The following SLC25A48 variants were observed in gnomAD, a reference collection of about 807,000 sequenced individuals.
SLC25A48 encodes the protein solute carrier family 25 member 48.
SLC25A48 carries 29 observed loss-of-function variants against 32.2 expected under a neutral mutation model. The ratio of observed to expected loss-of-function variants is 0.90; its 90% CI spans 0.67 to 1.23. The LOEUF is 1.23. SLC25A48 is among the 50% of genes most tolerant of loss of function. The pLI is 0.00. For synonymous variants in SLC25A48, 164 were observed against 172.3 expected, an observed-to-expected ratio of 0.95 and a Z score of 0.38; for missense variants, 399 against 422.7, an observed-to-expected ratio of 0.94 and a Z score of 0.49.
At chr5:135,676,441 C>A (rs557126605) in intron 3 of SLC25A48, among the ~76,000 whole-genome samples, 1 of 151,634 alleles carries the variant, frequency 6.6e-6, no homozygotes, top group South Asian at 2.1e-4. Context: ...TTTCATTGAC[C>A]CTTTTTGGTC....
intron 7 of SLC25A48, among the ~76,000 whole-genome samples, chr5:135,881,976 G>C (rs960725317): frequency 1.3e-5 from 2 of 152,196 alleles, no homozygotes; most frequent in Non-Finnish European, 2.9e-5. Context: ...TGCCCAACCT[G>C]TCGTACCTGC....
chr5:135,822,357 A>G (rs566300739), intron 4 of SLC25A48, among the ~76,000 whole-genome samples: 1 of 152,276 alleles, frequency 6.6e-6, no homozygotes. Flanking sequence ...AACAACACAC[A>G]TTTATTCTTT....
chr5:135,726,136 C>T (rs2126987218), intron 3 of SLC25A48, among the ~76,000 whole-genome samples: 1 of 152,336 alleles, frequency 6.6e-6, no homozygotes, highest in East Asian at 1.9e-4. Flanking sequence ...CCAGCAGTGC[C>T]TGAGTGCACA....
At chr5:135,751,369 T>G (rs1476745715) in intron 3 of SLC25A48, among the ~76,000 whole-genome samples, 4 of 152,156 alleles carry the variant, frequency 2.6e-5, no homozygotes, top group Non-Finnish European at 4.4e-5. Flanking sequence ...CATATGTCAC[T>G]TCATGGACAG....
At chr5:135,716,078 C>T (rs1051639443) in intron 3 of SLC25A48, among the ~76,000 whole-genome samples, 3 of 152,194 alleles carry the variant, frequency 2.0e-5, no homozygotes, top group African/African-American at 7.2e-5. Flanking sequence ...GCAGCTTGGA[C>T]CCCTTGTCAC....
intron 3 of SLC25A48, chr5:135,648,881 C>T (rs1483423972): frequency 6.6e-6 from 1 of 152,290 alleles, no homozygotes; most frequent in East Asian, 1.9e-4. Flanking sequence ...GAAGACAAGG[C>T]ACTAGCTGGT....
intron 3 of SLC25A48, among the ~76,000 whole-genome samples, chr5:135,786,658 T>G (rs1233511481): frequency 6.6e-6 from 1 of 152,068 alleles, no homozygotes; most frequent in East Asian, 1.9e-4. Flanking sequence ...TAGGGGGATA[T>G]TTCTCCTAAT....
chr5:135,716,522 C>T (rs941845947), intron 3 of SLC25A48, among the ~76,000 whole-genome samples: 14 of 151,988 alleles, frequency 9.2e-5, no homozygotes, highest in African/African-American at 3.1e-4. Flanking sequence ...GCTCTCACTG[C>T]GGATCATTTC....
At chr5:135,729,678 AC>A (rs1755179235) in intron 3 of SLC25A48, among the ~76,000 whole-genome samples, 1 of 152,040 alleles carries the variant, frequency 6.6e-6, no homozygotes, top group Non-Finnish European at 1.5e-5. Context: ...GAATCAGTCT[AC>A]CCCCTTGTGG....
intron 3 of SLC25A48, among the ~76,000 whole-genome samples, chr5:135,734,771 C>T (rs1489968898): frequency 4.7e-5 from 7 of 147,936 alleles, no homozygotes; most frequent in African/African-American, 1.7e-4. Flanking sequence ...GAGCTGAGAT[C>T]GTGCCACTGC....
intron 2 of SLC25A48, among the ~76,000 whole-genome samples, chr5:135,630,933 C>T (rs1265312732): frequency 6.6e-6 from 1 of 152,012 alleles, no homozygotes; most frequent in Non-Finnish European, 1.5e-5. Flanking sequence ...TGAGCACATC[C>T]CAGGTACTTA....
chr5:135,737,016 T>A (rs896320875), intron 3 of SLC25A48, among the ~76,000 whole-genome samples: 3 of 152,138 alleles, frequency 2.0e-5, no homozygotes, highest in Admixed American at 6.6e-5. Flanking sequence ...ATCTCTCTCA[T>A]GGAGTAAAGA....
intron 3 of SLC25A48, among the ~76,000 whole-genome samples, chr5:135,797,477 G>T (rs1757214762): frequency 6.6e-6 from 1 of 151,756 alleles, no homozygotes; most frequent in African/African-American, 2.4e-5. Flanking sequence ...TATTATTTCA[G>T]TATCACAGGA....
chr5:135,714,205 G>A (rs1754741846), intron 3 of SLC25A48, among the ~76,000 whole-genome samples: 1 of 152,190 alleles, frequency 6.6e-6, no homozygotes, highest in Non-Finnish European at 1.5e-5. Context: ...CTGTTGGGAG[G>A]CCAACGGATG....
chr5:135,741,437 T>C (rs1755499446), intron 3 of SLC25A48, among the ~76,000 whole-genome samples: 1 of 152,186 alleles, frequency 6.6e-6, no homozygotes, highest in African/African-American at 2.4e-5. Context: ...TAGGTACTAA[T>C]TTAAAAATTG....
chr5:135,701,580 C>A (rs773438046), intron 3 of SLC25A48, among the ~76,000 whole-genome samples: 9 of 152,122 alleles, frequency 5.9e-5, no homozygotes, highest in Non-Finnish European at 7.3e-5. Context: ...TTAAGGTACA[C>A]AATAAAGGAC....
At chr5:135,623,175 G>A (rs2078404) in intron 1 of SLC25A48, among the ~76,000 whole-genome samples, 54,949 of 152,098 alleles carry the variant, frequency 0.36, 9,946 homozygotes, top group Middle Eastern at 0.39. Flanking sequence ...TTGAAAGGAA[G>A]AATTTTAGTA....
chr5:135,637,436 T>C (rs1048010660), intron 3 of SLC25A48, among the ~76,000 whole-genome samples: 1 of 152,186 alleles, frequency 6.6e-6, no homozygotes, highest in Non-Finnish European at 1.5e-5. Context: ...AAGAGAAAGA[T>C]GTTACCAACT....
chr5:135,813,783 A>C (rs776944190), intron 4 of SLC25A48, among the ~76,000 whole-genome samples: 2 of 152,124 alleles, frequency 1.3e-5, no homozygotes, highest in Non-Finnish European at 2.9e-5. Context: ...TGTTGGGAAA[A>C]AGGGGAGAGA....
Sources: allele counts gnomAD v4.1 joint callset (sites outside exome capture counted in the v4.1 genomes callset), GRCh38; gene constraint gnomAD v4.1.1; transcripts MANE v1.5; gene names NCBI Gene and HGNC (gene_info 2026-07-23, HGNC 2026-07-21).